The following ALPL variants were observed in gnomAD, a reference collection of about 807,000 sequenced individuals.
The protein encoded by ALPL is alkaline phosphatase, biomineralization associated.
A neutral mutation model predicts 51.3 loss-of-function variants in ALPL; 42 were observed. The observed-to-expected ratio is 0.82, with a 90% CI of 0.64 to 1.06. The LOEUF (loss-of-function observed/expected upper bound fraction) is 1.06. Ranked by LOEUF, ALPL falls within the 50% of genes least tolerant of loss-of-function variation. The probability of loss-of-function intolerance (pLI) is 0.00; values close to 1 mark genes in which losing one functional copy is unlikely to be tolerated. For synonymous variants in ALPL, 279 were observed against 296.4 expected, an observed-to-expected ratio of 0.94 and a Z score of 0.60; for missense variants, 589 against 709.4, an observed-to-expected ratio of 0.83 and a Z score of 1.93.
At chr1:21,527,749 C>T (rs979850385) in intron 1 of ALPL, among the ~76,000 whole-genome samples, 1 of 151,890 alleles carries the variant, frequency 6.6e-6, no homozygotes, top group Non-Finnish European at 1.5e-5. Context: ...AAGGTTTTAC[C>T]TTGTTGGCTA....
At chr1:21,516,429 T>TAA (rs10679391) in intron 1 of ALPL, among the ~76,000 whole-genome samples, 41,095 of 152,044 alleles carry the variant, frequency 0.27, 6,131 homozygotes, top group East Asian at 0.47. Flanking sequence ...CCATAGACTA[T>TAA]AAGCCCAACA....
At chr1:21,567,036 G>C (rs115051696) in intron 6 of ALPL, among the ~76,000 whole-genome samples, 1 of 152,198 alleles carries the variant, frequency 6.6e-6, no homozygotes, top group South Asian at 2.1e-4. Context: ...ACCCAGGCTG[G>C]TCCTGGGGCA....
intron 1 of ALPL, among the ~76,000 whole-genome samples, chr1:21,522,685 C>T (rs1558527992): frequency 6.6e-6 from 1 of 152,148 alleles, no homozygotes; most frequent in Non-Finnish European, 1.5e-5. Flanking sequence ...TAAAATGCCT[C>T]ATCCAGTGTC....
intron 1 of ALPL, among the ~76,000 whole-genome samples, chr1:21,536,195 T>C (rs1644103395): frequency 6.6e-6 from 1 of 152,228 alleles, no homozygotes; most frequent in Non-Finnish European, 1.5e-5. Context: ...CAAAACTTTC[T>C]GTAATTCTAG....
intron 1 of ALPL, among the ~76,000 whole-genome samples, chr1:21,530,634 AG>A (rs1215124821): frequency 6.6e-6 from 1 of 152,152 alleles, no homozygotes; most frequent in Non-Finnish European, 1.5e-5. Context: ...AGTGAGGAGA[AG>A]GGGCTATATG....
In ALPL at chr1:21,577,839, C is replaced by A; in HGVS notation, c.*191C>A. On this transcript the variant is annotated 3_prime_UTR_variant, in exon 12 of 12. Transcript: ENST00000374840. Reference sequence around the variant, plus strand: ...TCTTCCCCAAGGGCCAAACCCACTTCTGGCCTCCAGCCTTTGCTCCCTCCC... The same window carrying A: ...TCTTCCCCAAGGGCCAAACCCACTTATGGCCTCCAGCCTTTGCTCCCTCCC... The A allele has an allele frequency of 1.3e-6, 1 of 750,354 alleles. No homozygotes were observed. The highest frequency in any genetic ancestry group is 2.1e-6 in the Non-Finnish European group (1 of 473,228). The allele number at this position is 750,354 out of a possible 1,614,324, so 46.5% of individuals were successfully genotyped here.
At chr1:21,530,399 G>A (rs150032089) in intron 1 of ALPL, among the ~76,000 whole-genome samples, 12 of 152,238 alleles carry the variant, frequency 7.9e-5, no homozygotes, top group East Asian at 5.8e-4. Flanking sequence ...AGCTTACTCC[G>A]TGGGGGATTT....
chr1:21,543,720 C>G (rs12567402), intron 1 of ALPL, among the ~76,000 whole-genome samples: 3 of 151,986 alleles, frequency 2.0e-5, no homozygotes, highest in Non-Finnish European at 4.4e-5. Context: ...TTTTGTGGCT[C>G]GGGGCATTTG....
intron 8 of ALPL, among the ~76,000 whole-genome samples, chr1:21,571,953 A>T (rs1276226355): frequency 6.6e-6 from 1 of 152,016 alleles, no homozygotes; most frequent in South Asian, 2.1e-4. Context: ...TGATTATGCC[A>T]CTGCACTCCA....
At chr1:21,552,119 T>TCCCCCCCCCCCCCC (rs1217864179) in intron 1 of ALPL, among the ~76,000 whole-genome samples, 9 of 51,782 alleles carry the variant, frequency 1.7e-4, no homozygotes, top group Non-Finnish European at 2.2e-4. Flanking sequence ...TCCCCTTCCC[T>TCCCCCCCCCCCCCC]TTCCTCCCTC....
At chr1:21,575,348 G>A (rs1031133773) in intron 9 of ALPL, among the ~76,000 whole-genome samples, 22 of 152,148 alleles carry the variant, frequency 1.4e-4, no homozygotes, top group African/African-American at 3.6e-4. Context: ...TGGGTGTGTC[G>A]TGCCTGGCAC....
chr1:21,542,054 A>G (rs757905040), intron 1 of ALPL, among the ~76,000 whole-genome samples: 4 of 152,348 alleles, frequency 2.6e-5, no homozygotes, highest in Non-Finnish European at 5.9e-5. Flanking sequence ...CCAGCTCTTC[A>G]TGACAGCCAT....
At position 21,578,026 on chromosome 1, in the gene ALPL, T is replaced by G; in HGVS notation, c.*378T>G. 1 of 309,868 alleles carries G rather than the reference T, an allele frequency of 3.2e-6. No homozygotes were observed. The highest frequency in any genetic ancestry group is 6.1e-6 in the Non-Finnish European group (1 of 163,158). 19.2% of individuals were successfully genotyped at this position (309,868 alleles called of 1,614,324 possible). On this transcript the variant is annotated 3_prime_UTR_variant, in exon 12 of 12. Coordinates refer to ENST00000374840, the MANE Select transcript of ALPL (RefSeq NM_000478.6). This position sits in a 1 kb window ranked among gnomAD's most constrained non-coding sequence, Gnocchi z 4.2. ...TCTGGATCTGACCCTCCCAGTCTCA[T>G]CTCCTGACCCTCCCACTCCCATCTC...
intron 9 of ALPL, chr1:21,574,056 C>T (rs1237067970): frequency 1.0e-6 from 1 of 985,344 alleles, no homozygotes; most frequent in Non-Finnish European, 1.2e-6. Flanking sequence ...CAGATTTCTC[C>T]CCTTTGGTAG....
rs541745840 is a variant in ALPL, at chr1:21,543,775, G to A, written c.-104-10203G>A. On this transcript the variant is annotated intron_variant, in intron 1 of 11. Coordinates refer to ENST00000374840, the MANE Select transcript of ALPL (RefSeq NM_000478.6). ...CCCAGCCTGGACAGTCTGGGGCTGC[G>A]TGCTCTAGACCGGGGGCTCCCTAAG... Among the ~76,000 whole-genome samples the A allele has an allele frequency of 3.3e-5, 5 of 152,260 alleles. No homozygotes were observed. In the East Asian group the frequency reaches 9.6e-4, roughly 29 times the overall value.
intron 1 of ALPL, among the ~76,000 whole-genome samples, chr1:21,549,442 A>G (rs978471716): frequency 1.3e-5 from 2 of 151,794 alleles, no homozygotes; most frequent in African/African-American, 4.8e-5. Flanking sequence ...AGACCACCCC[A>G]AACGCCGAAA....
At chr1:21,573,834 G>A (rs1270480785) in intron 9 of ALPL, 35 bp downstream of exon 9, 2 of 1,613,726 alleles carry the variant, frequency 1.2e-6, no homozygotes, top group Non-Finnish European at 8.5e-7. Context: ...GGGGGCTGCT[G>A]GAAACACGGC....
At chr1:21,553,095 A>G (rs1307866462) in intron 1 of ALPL, among the ~76,000 whole-genome samples, 1 of 151,858 alleles carries the variant, frequency 6.6e-6, no homozygotes, top group Non-Finnish European at 1.5e-5. Context: ...ATAATCATTC[A>G]TAGTCCTACC....
intron 1 of ALPL, among the ~76,000 whole-genome samples, chr1:21,515,322 T>C (rs972661): frequency 0.97 from 147,803 of 152,258 alleles, 71,904 homozygotes; most frequent in East Asian, 1. Flanking sequence ...CCTTGGCCCC[T>C]GAAAGTGCTG....
Sources: gnomAD v4.1 joint callset for allele counts (sites outside exome capture counted in the v4.1 genomes callset) on GRCh38, gnomAD v4.1.1 for gene constraint, Gnocchi (gnomAD v3.1) non-coding constraint, MANE v1.5 for transcripts, NCBI Gene and HGNC (gene_info 2026-07-23, HGNC 2026-07-21) for gene names.